TBC1D19: variants seen among roughly 807,000 people sequenced by gnomAD.
TBC1D19 encodes the protein TBC1 domain family member 19.
Under a neutral mutation model 89.0 loss-of-function variants are expected in TBC1D19, and 60 were observed. That is an observed-to-expected ratio of 0.67 (90% confidence interval 0.55 to 0.84). TBC1D19 has a LOEUF of 0.84. TBC1D19 is among the 40% of genes least tolerant of loss of function. The pLI, the probability that TBC1D19 is intolerant of heterozygous loss-of-function variation, is 0.00. For missense variants in TBC1D19, 500 were observed against 610.8 expected, an observed-to-expected ratio of 0.82 and a Z score of 1.91; for synonymous variants, 189 against 199.7, an observed-to-expected ratio of 0.95 and a Z score of 0.45.
In TBC1D19 at chr4:26,659,072, A is replaced by T. The variant is rs572483711; in HGVS notation, c.481-525A>T. Among the ~76,000 whole-genome samples the T allele has an allele frequency of 8.5e-5, 13 of 152,200 alleles. No homozygotes were observed. In the South Asian group the frequency reaches 2.5e-3, roughly 29 times the overall value. ...CACTCTTCCTATTTGAATACCCTTT[A>T]TTTCTTTCTCTTGCCTGATTGCCCT... is the stretch of plus-strand genomic sequence containing the variant. On this transcript the variant is annotated intron_variant, in intron 7 of 20. Coordinates refer to ENST00000264866, the MANE Select transcript of TBC1D19 (RefSeq NM_018317.4).
chr4:26,687,288 A>G (rs1713895472), intron 12 of TBC1D19, among the ~76,000 whole-genome samples: 1 of 152,192 alleles, frequency 6.6e-6, no homozygotes, highest in Non-Finnish European at 1.5e-5. Flanking sequence ...GCATTTACCC[A>G]TCCTTTCTGA....
chr4:26,638,632 C>A, intron 5 of TBC1D19, 139 bp from the exon 6 acceptor site: 1 of 643,280 alleles, frequency 1.6e-6, no homozygotes, highest in Non-Finnish European at 2.7e-6. Context: ...AGTTACCCCC[C>A]AAATTCAACA....
the TBC1D19 span, among the ~76,000 whole-genome samples, chr4:26,785,800 T>A: frequency 6.6e-6 from 1 of 152,186 alleles, no homozygotes; most frequent in Admixed American, 6.5e-5. Flanking sequence ...TTATCATTCC[T>A]TTTCTTTGTG....
chr4:26,646,122 C>CAAA (rs1170955624), intron 7 of TBC1D19, among the ~76,000 whole-genome samples: 15 of 42,002 alleles, frequency 3.6e-4, no homozygotes, highest in Middle Eastern at 0.013. Context: ...GACTCCGTCT[C>CAAA]AAAAAAAAAA....
chr4:26,699,790 A>G (rs1279050489), intron 13 of TBC1D19, among the ~76,000 whole-genome samples: 2 of 145,120 alleles, frequency 1.4e-5, no homozygotes, highest in Admixed American at 1.5e-4. Flanking sequence ...ACATGTTCTC[A>G]CTCTTAGGTG....
At chr4:26,709,801 C>A (rs756981415) in intron 13 of TBC1D19, among the ~76,000 whole-genome samples, 2 of 151,972 alleles carry the variant, frequency 1.3e-5, no homozygotes, top group Admixed American at 6.6e-5. Context: ...GGTGGGGAAA[C>A]AGATTCTTGG....
At chr4:26,689,072 A>G (rs533617126) in intron 13 of TBC1D19, among the ~76,000 whole-genome samples, 15 of 152,178 alleles carry the variant, frequency 9.9e-5, no homozygotes, top group Non-Finnish European at 2.1e-4. Context: ...TGCTGTTTGT[A>G]TGAGCAGGTT....
the TBC1D19 span, among the ~76,000 whole-genome samples, chr4:26,782,831 GA>G: frequency 4.5e-3 from 637 of 141,442 alleles, 3 homozygotes; most frequent in Middle Eastern, 0.018. Context: ...TTTTCCTTGA[GA>G]AAAAAAAAAA....
At chr4:26,831,095 A>T in the TBC1D19 span, among the ~76,000 whole-genome samples, 1 of 149,562 alleles carries the variant, frequency 6.7e-6, no homozygotes, top group South Asian at 2.2e-4. Flanking sequence ...TATCACAAAG[A>T]GGGCCAACTG....
rs1032597851 is a variant in TBC1D19 at position 26,650,318 on chromosome 4, C to A, written c.481-9279C>A. 6.6e-5 allele frequency among the ~76,000 whole-genome samples: 10 copies of A among 152,190 alleles called. No homozygotes were observed. The East Asian group carries it at 1.7e-3, about 26-fold the overall frequency. On this transcript the variant is annotated intron_variant, in intron 7 of 20. Coordinates refer to ENST00000264866, the MANE Select transcript of TBC1D19 (RefSeq NM_018317.4). ...CTTCCACAATGGTTGAACTAGTTTACAGTCCCACCAACAGTGTAAAAGTGT... is the reference window on the plus strand; with the variant it reads ...CTTCCACAATGGTTGAACTAGTTTAAAGTCCCACCAACAGTGTAAAAGTGT...
At chr4:26,804,356 G>C in the TBC1D19 span, among the ~76,000 whole-genome samples, 1 of 152,170 alleles carries the variant, frequency 6.6e-6, no homozygotes, top group Non-Finnish European at 1.5e-5. Flanking sequence ...ACATTGGCCA[G>C]GTTGGTCTTG....
intron 16 of TBC1D19, among the ~76,000 whole-genome samples, chr4:26,738,799 A>G (rs997067027): frequency 3.9e-5 from 6 of 152,250 alleles, no homozygotes; most frequent in African/African-American, 1.4e-4. Flanking sequence ...TGTTTATCCC[A>G]GAAAATTGAA....
the TBC1D19 span, among the ~76,000 whole-genome samples, chr4:26,775,552 G>T: frequency 5.9e-5 from 9 of 152,188 alleles, no homozygotes; most frequent in Non-Finnish European, 1.3e-4. Flanking sequence ...CTTCATGTGT[G>T]CCTTACTAAA....
chr4:26,825,103 A>AT, the TBC1D19 span, among the ~76,000 whole-genome samples: 7,617 of 144,624 alleles, frequency 0.053, 473 homozygotes, highest in African/African-American at 0.16. Context: ...ATAATTTAGG[A>AT]TTTTTTTTTT....
chr4:26,856,179 A>T, the TBC1D19 span, among the ~76,000 whole-genome samples: 1 of 126,168 alleles, frequency 7.9e-6, no homozygotes, highest in East Asian at 2.3e-4. Context: ...TACTGTTTCT[A>T]TGAGATGAAC....
Position 26,704,854 on chromosome 4 carries a change from C to T in TBC1D19, c.955-13079C>T, listed in dbSNP as rs1337616934. Among the ~76,000 whole-genome samples the T allele has an allele frequency of 2.0e-5, 3 of 152,124 alleles. No individual in the cohort carries two copies. In the South Asian group the frequency reaches 6.2e-4, roughly 32 times the overall value. ...TGAGGAAGTGTCATACTGTTTTCCA[C>T]AGTGACTATACCATTTTATATTCCA... On this transcript the variant is annotated intron_variant, in intron 13 of 20. Coordinates refer to ENST00000264866, the MANE Select transcript of TBC1D19 (RefSeq NM_018317.4).
the TBC1D19 span, among the ~76,000 whole-genome samples, chr4:26,771,177 A>T: frequency 1.4e-5 from 2 of 142,382 alleles, no homozygotes; most frequent in African/African-American, 2.6e-5. Context: ...TGTCTATTAT[A>T]AAAAAAAAAA....
At chr4:26,804,109 T>C in the TBC1D19 span, among the ~76,000 whole-genome samples, 1 of 150,830 alleles carries the variant, frequency 6.6e-6, no homozygotes, top group Non-Finnish European at 1.5e-5. Context: ...AAAAAGCCGC[T>C]GAGTCTGTGT....
intron 13 of TBC1D19, among the ~76,000 whole-genome samples, chr4:26,709,889 G>A (rs570402145): frequency 5.7e-4 from 86 of 151,850 alleles, no homozygotes; most frequent in South Asian, 5.0e-3. Context: ...AGTTTTATTC[G>A]CCTTTTATAG....
Sources: gnomAD v4.1 joint callset for allele counts (sites outside exome capture counted in the v4.1 genomes callset) on GRCh38, gnomAD v4.1.1 for gene constraint, MANE v1.5 for transcripts, NCBI Gene and HGNC (gene_info 2026-07-23, HGNC 2026-07-21) for gene names.